The following BIRC6 variants were observed in gnomAD, a reference collection of about 807,000 sequenced individuals.
The protein encoded by BIRC6 is baculoviral IAP repeat containing 6, also known as dual E2 ubiquitin-conjugating enzyme/E3 ubiquitin-protein ligase BIRC6.
Under a neutral mutation model 503.3 loss-of-function variants are expected in BIRC6, and 98 were observed. The ratio of observed to expected loss-of-function variants is 0.19; its 90% confidence interval spans 0.17 to 0.23. BIRC6 has a LOEUF of 0.23. Among genes scored for constraint, BIRC6 ranks in the 10% least tolerant of loss-of-function variants. The probability of loss-of-function intolerance (pLI) is 1.00; values close to 1 mark genes in which losing one functional copy is unlikely to be tolerated. For synonymous variants in BIRC6, 2,240 were observed against 2,078.7 expected, an observed-to-expected ratio of 1.08 and a Z score of -2.11; for missense variants, 5,360 against 5,806.0, an observed-to-expected ratio of 0.92 and a Z score of 2.50.
chr2:32,547,755 A>C, intron 63 of BIRC6, 95 bp from the exon 64 acceptor site: 2 of 1,156,572 alleles, frequency 1.7e-6, no homozygotes, highest in Non-Finnish European at 2.4e-6. Context: ...ACTGTTTTCC[A>C]TAGTAGCTTC....
chr2:32,459,905 G>C (rs1487816180), intron 23 of BIRC6, among the ~76,000 whole-genome samples: 2 of 151,178 alleles, frequency 1.3e-5, no homozygotes, highest in Non-Finnish European at 2.9e-5. Flanking sequence ...ATATATTACT[G>C]TCACATCTGG....
At chr2:32,553,032 C>G (rs1398477507) in intron 65 of BIRC6, among the ~76,000 whole-genome samples, 1 of 133,372 alleles carries the variant, frequency 7.5e-6, no homozygotes, top group African/African-American at 2.9e-5. Flanking sequence ...AAAAAAAAAA[C>G]AAACAAAAAA....
chr2:32,540,456 C>T (rs1476154448), intron 61 of BIRC6, among the ~76,000 whole-genome samples: 1 of 152,000 alleles, frequency 6.6e-6, no homozygotes, highest in East Asian at 1.9e-4. Flanking sequence ...AGAGTCTTTT[C>T]TTTGGGAAAT....
At chr2:32,516,826 A>C (rs2055101286) in intron 55 of BIRC6, among the ~76,000 whole-genome samples, 1 of 152,110 alleles carries the variant, frequency 6.6e-6, no homozygotes, top group Admixed American at 6.6e-5. Flanking sequence ...ACATGGGGCT[A>C]GCAATACCTG....
chr2:32,509,548 TG>T, intron 51 of BIRC6, 189 bp from the exon 52 acceptor site: 1 of 649,290 alleles, frequency 1.5e-6, no homozygotes, highest in Non-Finnish European at 2.5e-6. Context: ...CCACCGTGCC[TG>T]GCCATGATTT....
chr2:32,539,489 C>T (rs1234789062), intron 61 of BIRC6, among the ~76,000 whole-genome samples: 1 of 152,112 alleles, frequency 6.6e-6, no homozygotes, highest in African/African-American at 2.4e-5. Flanking sequence ...TGTTCTGTGA[C>T]CACATCAGAA....
Position 32,357,958 on chromosome 2 carries a change from G to A in BIRC6, c.325+472G>A, listed in dbSNP as rs2033384866. On this transcript the variant is annotated intron_variant, in intron 1 of 73. Transcript: ENST00000421745. This position sits in a 1 kb window ranked among gnomAD's most constrained non-coding sequence, Gnocchi z 4.9. ...CAACCAAGCCCTCCCTTGTGGGAGAGGAGCCGGCAGTCTGCTGTTCTCAGG... is the reference window on the plus strand; with the variant it reads ...CAACCAAGCCCTCCCTTGTGGGAGAAGAGCCGGCAGTCTGCTGTTCTCAGG... Among the ~76,000 whole-genome samples the A allele has an allele frequency of 6.8e-6, 1 of 148,012 alleles. No individual in the cohort carries two copies. The highest frequency in any genetic ancestry group is 2.5e-5 in the African/African-American group (1 of 39,942).
chr2:32,448,868 G>A lies in BIRC6; in HGVS notation c.4558G>A (p.Val1520Ile), dbSNP rs1289046338. 2 of 1,613,442 alleles carry A rather than the reference G, an allele frequency of 1.2e-6. No homozygotes were observed. The highest frequency in any genetic ancestry group is 2.2e-5 in the East Asian group (1 of 44,854). The change falls in exon 22 of 74, where the codon GTT becomes ATT. Residue 1520 changes from valine (V) to isoleucine (I), a missense_variant. Coordinates refer to ENST00000421745, the MANE Select transcript of BIRC6 (RefSeq NM_016252.4). ...LEMSGSSCKN[V>I]YNSSIGVQSD... ...GATGAGTGGCTCTTCTTGTAAAAAT[G>A]TTTATAACAGCAGCATTGGTGTCCA...
At chr2:32,582,084 C>T (rs1018314571) in intron 66 of BIRC6, among the ~76,000 whole-genome samples, 5 of 152,098 alleles carry the variant, frequency 3.3e-5, no homozygotes. Context: ...GTCTTGAACT[C>T]CTGACCTCAA....
intron 23 of BIRC6, among the ~76,000 whole-genome samples, chr2:32,458,497 T>C (rs1394729800): frequency 6.6e-6 from 1 of 152,056 alleles, no homozygotes; most frequent in African/African-American, 2.4e-5. Context: ...TAATTATGGA[T>C]ATTTTCTTCT....
At chr2:32,478,844 G>A (rs557034056) in intron 36 of BIRC6, 26 bp downstream of exon 36, 3 of 1,604,348 alleles carry the variant, frequency 1.9e-6, no homozygotes, top group African/African-American at 2.7e-5. Context: ...TCTTCATAGA[G>A]TATGTCAAAA....
chr2:32,415,444 A>G lies in BIRC6; in HGVS notation c.2153A>G (p.Gln718Arg), dbSNP rs1345196533. 6.2e-7 allele frequency: 1 copy of G among 1,613,912 alleles called. No individual in the cohort carries two copies. Among genetic ancestry groups the G allele is most frequent in the Non-Finnish European group, 8.5e-7 (1 of 1,179,908 alleles). The change falls in exon 10 of 74, where the codon CAG (glutamine) becomes CGG (arginine). Residue 718 changes from glutamine to arginine, a missense_variant. Gln to Arg is a conservative substitution (Grantham distance 43). Coordinates refer to ENST00000421745, the MANE Select transcript of BIRC6 (RefSeq NM_016252.4). ...SVFPKPGTLVQCLRLPKFAEE... is the reference protein window; with the variant it reads ...SVFPKPGTLVRCLRLPKFAEE... ...TTTCCCAAGCCTGGGACTTTGGTTC[A>G]GTGCTTGAGGCTGCCAAAGTTTGCA...
At chr2:32,448,973 G>C (rs1286451937) in intron 22 of BIRC6, 45 bp downstream of exon 22, 3 of 1,564,254 alleles carry the variant, frequency 1.9e-6, no homozygotes, top group Non-Finnish European at 2.6e-6. Flanking sequence ...GTTGTATCTT[G>C]GATTTAAGTT....
At chr2:32,411,567 T>C (rs2041890438) in intron 9 of BIRC6, among the ~76,000 whole-genome samples, 1 of 150,288 alleles carries the variant, frequency 6.7e-6, no homozygotes, top group Non-Finnish European at 1.5e-5. Context: ...AACCTCTGCC[T>C]CCTGGGTTCA....
intron 24 of BIRC6, among the ~76,000 whole-genome samples, chr2:32,464,179 A>G (rs753492365): frequency 6.6e-6 from 1 of 152,190 alleles, no homozygotes; most frequent in Non-Finnish European, 1.5e-5. Context: ...GACAAATTGT[A>G]TTACATTAGT....
intron 66 of BIRC6, among the ~76,000 whole-genome samples, chr2:32,586,138 C>A (rs2151257311): frequency 6.6e-6 from 1 of 152,008 alleles, no homozygotes; most frequent in South Asian, 2.1e-4. Context: ...CCAAATAGTT[C>A]ATTGATCATT....
In BIRC6 at chr2:32,583,575, T is replaced by G. The variant is rs1395089696; in HGVS notation, c.13355+8209T>G. Among the ~76,000 whole-genome samples, 20 of 152,364 alleles carry G rather than the reference T, an allele frequency of 1.3e-4. No individual in the cohort carries two copies. The East Asian group carries it at 2.9e-3, about 22-fold the overall frequency. ...GATTTTACATTCAACACTTTGCATT[T>G]TTTGAACTAGAAGACAAGGTTAGAG... On this transcript the variant is annotated intron_variant, in intron 66 of 73. Transcript: ENST00000421745.
intron 67 of BIRC6, among the ~76,000 whole-genome samples, chr2:32,594,734 G>A (rs1204356527): frequency 6.6e-6 from 1 of 152,092 alleles, no homozygotes; most frequent in Non-Finnish European, 1.5e-5. Flanking sequence ...ATGGATGGAC[G>A]GATGGATAGA....
In BIRC6 at chr2:32,405,968, A is replaced by C. The variant is rs757010133; in HGVS notation, c.1419-531A>C. Among the ~76,000 whole-genome samples, 184 of 152,186 alleles carry C rather than the reference A, an allele frequency of 1.2e-3. 1 individual carries two copies. Among genetic ancestry groups the C allele is most frequent in the Non-Finnish European group, 2.3e-3 (159 of 68,044 alleles). On this transcript the variant is annotated intron_variant, in intron 8 of 73. Transcript: ENST00000421745. ...GAGGTTTCCATACCCTATTTCAGTT[A>C]GGCATTTATTTAATGATTTAAGAAG...
Sources: allele counts gnomAD v4.1 joint callset (sites outside exome capture counted in the v4.1 genomes callset), GRCh38; gene constraint gnomAD v4.1.1; non-coding constraint Gnocchi (gnomAD v3.1); transcripts MANE v1.5; gene names NCBI Gene and HGNC (gene_info 2026-07-23, HGNC 2026-07-21).